PTPRT: variants seen among roughly 807,000 people sequenced by gnomAD.
The protein encoded by PTPRT is protein tyrosine phosphatase receptor type T, also known as receptor-type tyrosine-protein phosphatase T.
Under a neutral mutation model 176.8 loss-of-function variants are expected in PTPRT, and 56 were observed. The observed-to-expected ratio is 0.32, with a 90% CI of 0.26 to 0.40. The LOEUF (loss-of-function observed/expected upper bound fraction) is 0.40. Among genes scored for constraint, PTPRT ranks in the 10% least tolerant of loss-of-function variants. The pLI is 1.00. For synonymous variants in PTPRT, 783 were observed against 739.0 expected (o/e 1.06, Z -0.96); for missense variants, 1,540 against 1,908.2 (o/e 0.81, Z 3.60).
chr20:43,036,832 T>C (rs1354117516), intron 1 of PTPRT, among the ~76,000 whole-genome samples: 1 of 152,198 alleles, frequency 6.6e-6, no homozygotes, highest in Non-Finnish European at 1.5e-5. Context: ...ACTTTTCCTA[T>C]TAAGTTAGAA....
At chr20:43,154,145 C>A (rs2014447871) in intron 1 of PTPRT, among the ~76,000 whole-genome samples, 1 of 152,172 alleles carries the variant, frequency 6.6e-6, no homozygotes, top group Non-Finnish European at 1.5e-5. Flanking sequence ...ATCATTTCAT[C>A]ATTTTGGGAC....
intron 10 of PTPRT, 123 bp downstream of exon 10, chr20:42,351,961 C>G: frequency 1.2e-6 from 1 of 851,240 alleles, no homozygotes; most frequent in South Asian, 1.7e-5. Flanking sequence ...TCACTAGGGA[C>G]TGGATCGTCC....
chr20:42,681,639 G>C (rs755824442), intron 6 of PTPRT, among the ~76,000 whole-genome samples: 1 of 152,152 alleles, frequency 6.6e-6, no homozygotes, highest in Non-Finnish European at 1.5e-5. Context: ...GTCACACACT[G>C]TCCTAGGCAC....
intron 1 of PTPRT, among the ~76,000 whole-genome samples, chr20:43,080,356 C>T (rs557274190): frequency 2.0e-4 from 30 of 152,320 alleles, no homozygotes; most frequent in Non-Finnish European, 3.4e-4. Flanking sequence ...GCAACATGTA[C>T]AGGAAATCAA....
At chr20:43,048,466 G>A (rs554342196) in intron 1 of PTPRT, among the ~76,000 whole-genome samples, 71 of 152,200 alleles carry the variant, frequency 4.7e-4, no homozygotes, top group Non-Finnish European at 7.6e-4. Context: ...ATGGCAACCC[G>A]GATTTGGCAA....
rs565530390 is a variant in PTPRT, at chr20:42,364,479, T to C, written c.1561-12194A>G. ...TATGAGAAGGTTTTGTAAAGCCTAT[T>C]TTTTTTTGTTATATCTCCTTCTTAC... On this transcript the variant is annotated intron_variant, in intron 9 of 30. Coordinates refer to ENST00000373187, the MANE Select transcript of PTPRT (RefSeq NM_007050.6). 2.0e-5 allele frequency among the ~76,000 whole-genome samples: 3 copies of C among 152,012 alleles called. No individual in the cohort carries two copies. In the South Asian group the frequency reaches 6.2e-4, roughly 32 times the overall value.
At chr20:42,295,780 G>A (rs1257739152) in intron 12 of PTPRT, among the ~76,000 whole-genome samples, 1 of 152,202 alleles carries the variant, frequency 6.6e-6, no homozygotes, top group African/African-American at 2.4e-5. Flanking sequence ...TGTTGGGGGA[G>A]GGACCTTGTG....
intron 12 of PTPRT, among the ~76,000 whole-genome samples, chr20:42,284,602 T>C (rs1342312059): frequency 6.6e-6 from 1 of 152,070 alleles, no homozygotes; most frequent in African/African-American, 2.4e-5. Flanking sequence ...TCAGAACTAA[T>C]TGCTAATATC....
At chr20:43,161,428 A>G (rs1167994548) in intron 1 of PTPRT, among the ~76,000 whole-genome samples, 1 of 152,212 alleles carries the variant, frequency 6.6e-6, no homozygotes, top group African/African-American at 2.4e-5. Context: ...AGATGATCCA[A>G]TGAGAATGTA....
chr20:42,917,727 C>T (rs1978869109), intron 1 of PTPRT, among the ~76,000 whole-genome samples: 1 of 152,146 alleles, frequency 6.6e-6, no homozygotes, highest in Non-Finnish European at 1.5e-5. Context: ...ACAGCTACTA[C>T]TGCCCCCATT....
In PTPRT at chr20:42,937,385, A is replaced by G. The variant is rs544285830; in HGVS notation, c.89-51453T>C. ...TGTTTCTCTGCATTAAGATTTTCAG[A>G]AATGAGGGCCATGTCTGGGAATCTG... On this transcript the variant is annotated intron_variant, in intron 1 of 30. Transcript: ENST00000373187. Among the ~76,000 whole-genome samples the G allele has an allele frequency of 8.5e-5, 13 of 152,238 alleles. No homozygotes were observed. In the East Asian group the frequency reaches 2.5e-3, roughly 29 times the overall value.
chr20:42,763,692 A>G (rs1380306918), intron 5 of PTPRT, among the ~76,000 whole-genome samples: 2 of 152,228 alleles, frequency 1.3e-5, no homozygotes, highest in East Asian at 3.8e-4. Context: ...GATTCTCTTA[A>G]GATCACATTT....
intron 7 of PTPRT, among the ~76,000 whole-genome samples, chr20:42,510,877 G>C (rs1413333262): frequency 6.6e-6 from 1 of 152,160 alleles, no homozygotes; most frequent in Non-Finnish European, 1.5e-5. Flanking sequence ...GCTATGGTTT[G>C]AATGGCCCCT....
intron 1 of PTPRT, among the ~76,000 whole-genome samples, chr20:43,177,147 G>T (rs945201131): frequency 1.3e-5 from 2 of 152,178 alleles, no homozygotes; most frequent in Non-Finnish European, 2.9e-5. Context: ...CACCACAATG[G>T]CCACATTTTG....
chr20:42,873,016 G>A (rs1266104808), intron 2 of PTPRT, among the ~76,000 whole-genome samples: 1 of 152,180 alleles, frequency 6.6e-6, no homozygotes, highest in Non-Finnish European at 1.5e-5. Context: ...ATAACCACAG[G>A]AAGAACAGAG....
At chr20:43,090,164 A>G (rs1000344976) in intron 1 of PTPRT, among the ~76,000 whole-genome samples, 5 of 152,258 alleles carry the variant, frequency 3.3e-5, no homozygotes, top group African/African-American at 1.2e-4. Context: ...GACTCCAGGA[A>G]AAATAGAGAA....
chr20:42,664,689 G>C (rs13036759), intron 7 of PTPRT, among the ~76,000 whole-genome samples: 10,935 of 152,038 alleles, frequency 0.072, 510 homozygotes, highest in Admixed American at 0.11. Flanking sequence ...GGCTGGTCTT[G>C]AACTCCTGGG....
At chr20:42,110,800 G>A (rs964896660) in intron 22 of PTPRT, among the ~76,000 whole-genome samples, 11 of 152,098 alleles carry the variant, frequency 7.2e-5, no homozygotes, top group African/African-American at 1.5e-4. Context: ...CTAGGGGATC[G>A]TCTTTGACAA....
At chr20:42,270,751 A>G (rs1408560805) in intron 13 of PTPRT, among the ~76,000 whole-genome samples, 1 of 152,202 alleles carries the variant, frequency 6.6e-6, no homozygotes, top group Non-Finnish European at 1.5e-5. Flanking sequence ...GGTCAGTATG[A>G]CTATAAATAA....
Sources: allele counts gnomAD v4.1 joint callset (sites outside exome capture counted in the v4.1 genomes callset), GRCh38; gene constraint gnomAD v4.1.1; transcripts MANE v1.5; gene names NCBI Gene and HGNC (gene_info 2026-07-23, HGNC 2026-07-21).